USP24: variants seen among roughly 807,000 people sequenced by gnomAD.
The protein encoded by USP24 is ubiquitin carboxyl-terminal hydrolase 24.
A neutral mutation model predicts 361.6 loss-of-function variants in USP24; 97 were observed. That is an observed-to-expected ratio of 0.27 (90% CI 0.23 to 0.32). The LOEUF (loss-of-function observed/expected upper bound fraction) is 0.32. Ranked by LOEUF, USP24 falls within the 10% of genes least tolerant of loss-of-function variation. USP24 has a pLI of 1.00. For missense variants in USP24, 2,353 were observed against 3,165.6 expected, an observed-to-expected ratio of 0.74 and a Z score of 6.16; for synonymous variants, 1,098 against 1,124.6, an observed-to-expected ratio of 0.98 and a Z score of 0.47.
At chr1:55,069,784 A>G (rs750901682) in intron 67 of USP24, among the ~76,000 whole-genome samples, 1 of 147,982 alleles carries the variant, frequency 6.8e-6, no homozygotes, top group Non-Finnish European at 1.5e-5. Flanking sequence ...AGGCAAGGAG[A>G]ATCGCTGGAA....
chr1:55,156,027 T>C (rs1361770499), intron 12 of USP24, among the ~76,000 whole-genome samples: 1 of 152,206 alleles, frequency 6.6e-6, no homozygotes, highest in Non-Finnish European at 1.5e-5. Context: ...TTGATATACC[T>C]AGCATAGTTT....
chr1:55,177,761 T>C (rs1033829840), intron 2 of USP24, among the ~76,000 whole-genome samples: 1 of 152,236 alleles, frequency 6.6e-6, no homozygotes, highest in African/African-American at 2.4e-5. Flanking sequence ...TTTTCAATTA[T>C]ATTTTAAATA....
At chr1:55,115,835 C>A (rs1646097670) in intron 38 of USP24, among the ~76,000 whole-genome samples, 1 of 152,060 alleles carries the variant, frequency 6.6e-6, no homozygotes, top group Non-Finnish European at 1.5e-5. Flanking sequence ...TACTATGTGG[C>A]CATAGAAAAG....
intron 1 of USP24, among the ~76,000 whole-genome samples, chr1:55,195,248 A>AAGG (rs1178095782): frequency 6.6e-6 from 1 of 152,122 alleles, no homozygotes; most frequent in Non-Finnish European, 1.5e-5. Context: ...AGCTACATAC[A>AAGG]AGGTCCTATC....
chr1:55,120,801 T>C (rs1646258378), intron 37 of USP24, 45 bp from the exon 38 acceptor site: 8 of 1,476,884 alleles, frequency 5.4e-6, no homozygotes, highest in Non-Finnish European at 6.3e-6. Flanking sequence ...TGAATCAACA[T>C]GTTGAGACTG....
rs1646929601 is a variant in USP24 at position 55,142,923 on chromosome 1, T to C, written c.2580+56A>G. 4 of 1,438,726 alleles carry C rather than the reference T, an allele frequency of 2.8e-6. No homozygotes were observed. The South Asian group carries it at 5.4e-5, about 19-fold the overall frequency. 89.1% of individuals were successfully genotyped at this position (1,438,726 alleles called of 1,614,324 possible). A position where few individuals can be genotyped will look rare whatever the true frequency, so the allele number is the denominator to read the frequency against. On this transcript the variant is annotated intron_variant, in intron 22 of 67. Coordinates refer to ENST00000294383, the MANE Select transcript of USP24 (RefSeq NM_015306.3). ...AGGATCACAGCTTATCACTAAAATA[T>C]ACATATAATTTTCTGCTTTTTTGTA...
At chr1:55,199,303 AC>A (rs1222237380) in intron 1 of USP24, among the ~76,000 whole-genome samples, 4 of 152,086 alleles carry the variant, frequency 2.6e-5, no homozygotes, top group Admixed American at 6.5e-5. Flanking sequence ...AAACAAAAAA[AC>A]AAAACAAAAA....
rs1649461496 is a variant in USP24, at chr1:55,171,697, G to C, written c.703-19C>G. 1.3e-6 allele frequency: 2 copies of C among 1,592,894 alleles called. No individual in the cohort carries two copies. The highest frequency in any genetic ancestry group is 4.5e-5 in the East Asian group (2 of 44,432). On this transcript the variant is annotated intron_variant, in intron 4 of 67. Coordinates refer to ENST00000294383, the MANE Select transcript of USP24 (RefSeq NM_015306.3). ...TGAAAGCCTAGATTCAAAGAGAACAGAGAAACATTATTATCTATTTCTATA... is the reference window on the plus strand; with the variant it reads ...TGAAAGCCTAGATTCAAAGAGAACACAGAAACATTATTATCTATTTCTATA...
intron 7 of USP24, among the ~76,000 whole-genome samples, chr1:55,162,944 GAATT>G (rs1648446429): frequency 6.6e-6 from 1 of 151,824 alleles, no homozygotes; most frequent in Non-Finnish European, 1.5e-5. Flanking sequence ...AATAATGAAT[GAATT>G]AATAAATGAC....
At chr1:55,134,214 A>G in intron 29 of USP24, 51 bp from the exon 30 acceptor site, 3 of 1,587,812 alleles carry the variant, frequency 1.9e-6, no homozygotes, top group Non-Finnish European at 2.6e-6. Flanking sequence ...GTTTAATTCA[A>G]CAAAGTCCAT....
At chr1:55,093,808 G>C (rs1487457855) in intron 52 of USP24, 129 bp downstream of exon 52, 3 of 1,316,882 alleles carry the variant, frequency 2.3e-6, no homozygotes, top group South Asian at 1.5e-5. Flanking sequence ...AAAGGTTCAT[G>C]AGACAAGTGT....
chr1:55,103,931 T>C lies in USP24; in HGVS notation c.4970A>G (p.Lys1657Arg). The change falls in exon 42 of 68, where the codon AAA (lysine) becomes AGA (arginine). Residue 1657 changes from lysine (K) to arginine (R), a missense_variant. Coordinates refer to ENST00000294383, the MANE Select transcript of USP24 (RefSeq NM_015306.3). ...SSPSNLQIII[K>R]ELLSMHHQPD... is the part of the protein sequence containing the mutation. ...CTGGTGATGCATAGAAAGCAGTTCT[T>C]TTATAATAATTTGAAGATTTGAAGG... The C allele has an allele frequency of 6.2e-7, 1 of 1,612,320 alleles. No homozygotes were observed. The highest frequency in any genetic ancestry group is 1.1e-5 in the South Asian group (1 of 90,614).
At chr1:55,097,799 GCC>G in intron 47 of USP24, 82 bp from the exon 48 acceptor site, 1 of 1,501,948 alleles carries the variant, frequency 6.7e-7, no homozygotes, top group South Asian at 1.4e-5. Flanking sequence ...TAATGCAAAG[GCC>G]TTTCTGATCC....
At position 55,154,297 on chromosome 1, in the gene USP24, T is replaced by C; in HGVS notation, c.1651-17A>G. ...GTCTAAAACCTACAATAATATTACA[T>C]ATGATCAGCCAGCCAATATGCAAAT... On this transcript the variant is annotated splice_polypyrimidine_tract_variant and intron_variant, in intron 14 of 67. Coordinates refer to ENST00000294383, the MANE Select transcript of USP24 (RefSeq NM_015306.3). 1 of 1,597,002 alleles carries C rather than the reference T, an allele frequency of 6.3e-7. No individual in the cohort carries two copies. The highest frequency in any genetic ancestry group is 8.5e-7 in the Non-Finnish European group (1 of 1,171,290).
chr1:55,178,144 G>A lies in USP24; in HGVS notation c.325-12C>T, dbSNP rs1285840721. 6.6e-7 allele frequency: 1 copy of A among 1,504,042 alleles called. No homozygotes were observed. The highest frequency in any genetic ancestry group is 8.8e-7 in the Non-Finnish European group (1 of 1,130,594). 93.2% of individuals were successfully genotyped at this position (1,504,042 alleles called of 1,614,324 possible). A position where few individuals can be genotyped will look rare whatever the true frequency, so the allele number is the denominator to read the frequency against. On this transcript the variant is annotated splice_polypyrimidine_tract_variant and intron_variant, in intron 1 of 67. Coordinates refer to ENST00000294383, the MANE Select transcript of USP24 (RefSeq NM_015306.3). ...TTCTCATCATTCTTCTGACGAAAAG[G>A]GATTAAGATAAAAAGCAAATAAAAC...
chr1:55,179,798 CT>C (rs1195631217), intron 1 of USP24, among the ~76,000 whole-genome samples: 1 of 152,184 alleles, frequency 6.6e-6, no homozygotes, highest in African/African-American at 2.4e-5. Context: ...AATTCCTCTA[CT>C]TCTGTCCATC....
Position 55,180,762 on chromosome 1 carries a change from G to A in USP24, c.325-2630C>T, listed in dbSNP as rs74812297. On this transcript the variant is annotated intron_variant, in intron 1 of 67. Transcript: ENST00000294383. ...TACCATCCTCAACCTCTCCTTCACA[G>A]CACTACTCACAGGTGTAATTTTACA... Among the ~76,000 whole-genome samples the A allele has an allele frequency of 3.3e-3, 498 of 152,182 alleles. 4 individuals are homozygous for A. The highest frequency in any genetic ancestry group is 0.012 in the African/African-American group (484 of 41,490).
Position 55,120,661 on chromosome 1 carries a change from G to T in USP24, c.4443C>A (p.Gly1481=). 4 of 1,562,694 alleles carry T rather than the reference G, an allele frequency of 2.6e-6. No homozygotes were observed. Among genetic ancestry groups the T allele is most frequent in the Non-Finnish European group, 3.5e-6 (4 of 1,152,350 alleles). Residue 1481 remains glycine (G), a synonymous_variant, in exon 38 of 68, where the codon GGC becomes GGA. Transcript: ENST00000294383. The part of the protein sequence containing the change: ...DVQKPNQFLL[G]VILTAQLPLW... ...GAGGCAGCTGAGCCGTGAGGATTAC[G>T]CCTAGAAGAAACTGATTTGGCTTCT... is the stretch of plus-strand genomic sequence containing the variant.
intron 1 of USP24, among the ~76,000 whole-genome samples, chr1:55,190,174 A>G (rs1644249018): frequency 6.6e-6 from 1 of 151,178 alleles, no homozygotes; most frequent in African/African-American, 2.4e-5. Flanking sequence ...CAAAAAAAAA[A>G]AAAAAAAAAA....
Sources: gnomAD v4.1 joint callset for allele counts (sites outside exome capture counted in the v4.1 genomes callset) on GRCh38, gnomAD v4.1.1 for gene constraint, MANE v1.5 for transcripts, NCBI Gene and HGNC (gene_info 2026-07-23, HGNC 2026-07-21) for gene names.